ARHGEF28: variants seen among roughly 807,000 people sequenced by gnomAD.
The protein encoded by ARHGEF28 is Rho guanine nucleotide exchange factor 28.
In ARHGEF28, 152 loss-of-function variants were observed where a neutral mutation model predicts 206.6. The observed-to-expected ratio is 0.74, with a 90% CI of 0.64 to 0.84. The LOEUF is 0.84. ARHGEF28 is among the 40% of genes least tolerant of loss of function. The pLI, the probability that ARHGEF28 is intolerant of heterozygous loss-of-function variation, is 0.00. For missense variants in ARHGEF28, 2,028 were observed against 2,073.2 expected, an observed-to-expected ratio of 0.98 and a Z score of 0.42; for synonymous variants, 763 against 776.4, an observed-to-expected ratio of 0.98 and a Z score of 0.29.
At chr5:73,709,790 A>T (rs1749138783) in intron 2 of ARHGEF28, among the ~76,000 whole-genome samples, 1 of 152,198 alleles carries the variant, frequency 6.6e-6, no homozygotes, top group Non-Finnish European at 1.5e-5. Flanking sequence ...TGGTATACTG[A>T]GTTGGTCATG....
intron 1 of ARHGEF28, among the ~76,000 whole-genome samples, chr5:73,652,579 TAA>T (rs1345165657): frequency 1.3e-5 from 2 of 152,158 alleles, no homozygotes; most frequent in East Asian, 1.9e-4. Flanking sequence ...TAATAAGAAA[TAA>T]AGAGTCTTTG....
At chr5:73,766,167 C>CA (rs1002019265) in intron 4 of ARHGEF28, among the ~76,000 whole-genome samples, 1 of 145,786 alleles carries the variant, frequency 6.9e-6, no homozygotes, top group Non-Finnish European at 1.5e-5. Flanking sequence ...AAAAAAAAAA[C>CA]AAAAAACAAA....
At chr5:73,877,480 C>T (rs1760593775) in intron 22 of ARHGEF28, among the ~76,000 whole-genome samples, 1 of 139,134 alleles carries the variant, frequency 7.2e-6, no homozygotes, top group Non-Finnish European at 1.5e-5. Flanking sequence ...AATGTGTTTG[C>T]TCTTGCTTTT....
intron 11 of ARHGEF28, among the ~76,000 whole-genome samples, chr5:73,843,100 C>T (rs1267332475): frequency 2.0e-5 from 3 of 151,964 alleles, no homozygotes; most frequent in Non-Finnish European, 4.4e-5. Context: ...ACAAAATAGT[C>T]TGTCTGTTTT....
At chr5:73,806,936 ATCTT>A (rs969094316) in intron 9 of ARHGEF28, among the ~76,000 whole-genome samples, 3 of 147,974 alleles carry the variant, frequency 2.0e-5, no homozygotes, top group South Asian at 2.1e-4. Flanking sequence ...CAATATATAA[ATCTT>A]TATATATACA....
intron 16 of ARHGEF28, among the ~76,000 whole-genome samples, chr5:73,861,526 A>G (rs1017195636): frequency 2.6e-5 from 4 of 152,170 alleles, no homozygotes; most frequent in African/African-American, 9.7e-5. Flanking sequence ...ACCGCCTCCC[A>G]GGCTCAAGCG....
At chr5:73,660,322 G>T (rs116770320) in intron 1 of ARHGEF28, among the ~76,000 whole-genome samples, 1 of 151,986 alleles carries the variant, frequency 6.6e-6, no homozygotes, top group East Asian at 1.9e-4. Context: ...CCATCTTATC[G>T]CTCCACTTCC....
chr5:73,835,854 C>A (rs1266048347), intron 10 of ARHGEF28, among the ~76,000 whole-genome samples: 1 of 152,024 alleles, frequency 6.6e-6, no homozygotes, highest in South Asian at 2.1e-4. Context: ...GTCGATAGTG[C>A]CAGAATTGAA....
In ARHGEF28 at chr5:73,751,691, G is replaced by T. The variant is rs571868513; in HGVS notation, c.182-1218G>T. On this transcript the variant is annotated intron_variant, in intron 3 of 35. Transcript: ENST00000513042. ...TAGGAGGAAGGTAATATAATCTTTTGTTTATATTGTGGTCTACTTAAAAGT... is the reference window on the plus strand; with the variant it reads ...TAGGAGGAAGGTAATATAATCTTTTTTTTATATTGTGGTCTACTTAAAAGT... 2.0e-5 allele frequency among the ~76,000 whole-genome samples: 3 copies of T among 152,116 alleles called. No individual in the cohort carries two copies. In the South Asian group the frequency reaches 6.2e-4, roughly 32 times the overall value.
chr5:73,901,977 G>A lies in ARHGEF28; in HGVS notation c.4074+693G>A, dbSNP rs1211919594. The A allele has an allele frequency of 2.0e-5, 3 of 152,126 alleles. No homozygotes were observed. In the East Asian group the frequency reaches 5.8e-4, roughly 29 times the overall value. 9.4% of individuals were successfully genotyped at this position (152,126 alleles called of 1,614,324 possible). ...TATGATTCTGGGAGGTGGCTAGTTG[G>A]CCTCTTCCTGCTTGTCAGGGCTCCA... On this transcript the variant is annotated intron_variant, in intron 31 of 35. Coordinates refer to ENST00000513042, the MANE Select transcript of ARHGEF28 (RefSeq NM_001177693.2).
chr5:73,706,827 G>A (rs563107605), intron 2 of ARHGEF28, among the ~76,000 whole-genome samples: 63 of 152,204 alleles, frequency 4.1e-4, no homozygotes, highest in African/African-American at 1.2e-3. Flanking sequence ...CCTCCTCCCC[G>A]CTTTCTTCTC....
Position 73,706,094 on chromosome 5 carries a change from A to G in ARHGEF28, c.33+21210A>G, listed in dbSNP as rs146443195. Among the ~76,000 whole-genome samples the G allele has an allele frequency of 3.6e-3, 547 of 152,256 alleles. 3 individuals are homozygous for G. Among genetic ancestry groups the G allele is most frequent in the African/African-American group, 0.013 (531 of 41,548 alleles). On this transcript the variant is annotated intron_variant, in intron 2 of 35. Transcript: ENST00000513042. Reference sequence around the variant, plus strand: ...GAGCTGAGCCAGAGAAGGGGCTTGCATTTTCACACCCTTGGGCCACACTCC... The same window carrying G: ...GAGCTGAGCCAGAGAAGGGGCTTGCGTTTTCACACCCTTGGGCCACACTCC...
chr5:73,741,385 GTATA>G (rs67973637), intron 2 of ARHGEF28, among the ~76,000 whole-genome samples: 92 of 21,586 alleles, frequency 4.3e-3, no homozygotes, highest in South Asian at 6.7e-3. Context: ...GTGTGTGTGT[GTATA>G]TATATATATA....
At chr5:73,784,019 C>T (rs1290018236) in intron 7 of ARHGEF28, among the ~76,000 whole-genome samples, 2 of 151,762 alleles carry the variant, frequency 1.3e-5, no homozygotes, top group African/African-American at 2.4e-5. Flanking sequence ...CAGCAGAGGG[C>T]AATATTCAAC....
At chr5:73,852,795 C>A (rs1257847322) in intron 14 of ARHGEF28, 103 bp downstream of exon 14, 22 of 1,238,714 alleles carry the variant, frequency 1.8e-5, no homozygotes, top group Non-Finnish European at 2.5e-5. Flanking sequence ...TGAGAGGTTT[C>A]CATGTAACAA....
At chr5:73,696,711 G>T (rs999645768) in intron 2 of ARHGEF28, among the ~76,000 whole-genome samples, 2 of 152,134 alleles carry the variant, frequency 1.3e-5, no homozygotes, top group African/African-American at 4.8e-5. Context: ...GTGGACAATT[G>T]TTTTTGTCCA....
intron 4 of ARHGEF28, among the ~76,000 whole-genome samples, chr5:73,769,920 CT>C (rs1183246466): frequency 1.3e-5 from 2 of 152,194 alleles, no homozygotes; most frequent in Admixed American, 6.5e-5. Context: ...CATGCACAGC[CT>C]CCCCTATTAT....
chr5:73,835,911 C>T (rs1477677586), intron 10 of ARHGEF28, among the ~76,000 whole-genome samples: 1 of 152,154 alleles, frequency 6.6e-6, no homozygotes, highest in East Asian at 1.9e-4. Flanking sequence ...TTCCTTGCTG[C>T]ATGTCGGGGG....
At position 73,731,011 on chromosome 5, in the gene ARHGEF28, TA is replaced by T. The variant is rs10699304; in HGVS notation, c.34-18814del. ...TTTTTCTTCTTCTCTGCCTTTAAGC[TA>T]AAAAAAAAAAACCCTCTAATCTCTT... is the stretch of plus-strand genomic sequence containing the variant. On this transcript the variant is annotated intron_variant, in intron 2 of 35. Coordinates refer to ENST00000513042, the MANE Select transcript of ARHGEF28 (RefSeq NM_001177693.2). Among the ~76,000 whole-genome samples the T allele has an allele frequency of 6.4e-3, 911 of 142,208 alleles. 3 individuals carry two copies. The highest frequency in any genetic ancestry group is 0.02 in the East Asian group (97 of 4,892). The allele number at this position is 142,208 out of a possible 152,430, so 93.3% of individuals were successfully genotyped here.
Sources: gnomAD v4.1 joint callset for allele counts (sites outside exome capture counted in the v4.1 genomes callset) on GRCh38, gnomAD v4.1.1 for gene constraint, MANE v1.5 for transcripts, NCBI Gene and HGNC (gene_info 2026-07-23, HGNC 2026-07-21) for gene names.